FIGN: variants seen among roughly 807,000 people sequenced by gnomAD.
FIGN encodes fidgetin, microtubule severing factor.
FIGN carries 11 observed loss-of-function variants against 51.3 expected under a neutral mutation model. That is an observed-to-expected ratio of 0.21 (90% confidence interval 0.13 to 0.35). The LOEUF is 0.35. Ranked by LOEUF, FIGN falls within the 10% of genes least tolerant of loss-of-function variation. The pLI is 1.00. For missense variants in FIGN, 857 were observed against 943.6 expected (o/e 0.91, Z 1.20); for synonymous variants, 407 against 363.2 (o/e 1.12, Z -1.37).
intron 2 of FIGN, among the ~76,000 whole-genome samples, chr2:163,659,361 C>A (rs963566477): frequency 6.6e-6 from 1 of 152,138 alleles, no homozygotes; most frequent in Non-Finnish European, 1.5e-5. Flanking sequence ...AACTGCCAAC[C>A]TAAACTACTA....
Position 163,610,794 on chromosome 2 carries a change from A to G in FIGN, c.1038T>C (p.Ser346=). ...TGTTGTCGGGCATTCTGTACATAGGACTCTGTGTAGATCTCTGTTGGCCAT... is the reference window on the plus strand; with the variant it reads ...TGTTGTCGGGCATTCTGTACATAGGGCTCTGTGTAGATCTCTGTTGGCCAT... ...YSYGQQRSTQ[S]PMYRMPDNSI... Residue 346 remains serine (S), a synonymous_variant, in exon 3 of 3, where the codon AGT becomes AGC. Coordinates refer to ENST00000333129, the MANE Select transcript of FIGN (RefSeq NM_018086.4). 1.9e-6 allele frequency: 3 copies of G among 1,613,942 alleles called. No individual in the cohort carries two copies. The highest frequency in any genetic ancestry group is 2.5e-6 in the Non-Finnish European group (3 of 1,179,976).
In FIGN at chr2:163,611,519, C is replaced by G. The variant is rs367851778; in HGVS notation, c.313G>C (p.Glu105Gln). 1.6e-5 allele frequency: 26 copies of G among 1,614,096 alleles called. No homozygotes were observed. Among genetic ancestry groups the G allele is most frequent in the Non-Finnish European group, 1.9e-5 (23 of 1,180,042 alleles). Residue 105 changes from glutamate (E) to glutamine (Q), a missense_variant, in exon 3 of 3, where the codon GAA becomes CAA. Physicochemically the swap from Glu to Gln is conservative, Grantham distance 29. Transcript: ENST00000333129. ...PSGLVNGRKN[E>Q]SEPWQPSLNS... The stretch of plus-strand genomic sequence containing the variant: ...AAGGAAGGCTGCCAGGGTTCACTTT[C>G]ATTTTTCCGACCGTTCACTAGTCCT...
At chr2:163,732,834 T>C (rs1684952518) in intron 2 of FIGN, among the ~76,000 whole-genome samples, 1 of 152,228 alleles carries the variant, frequency 6.6e-6, no homozygotes, top group Non-Finnish European at 1.5e-5. Flanking sequence ...CAGTCCCTGA[T>C]AGATGTTTCT....
intron 2 of FIGN, among the ~76,000 whole-genome samples, chr2:163,727,110 G>A (rs1209627823): frequency 6.6e-6 from 1 of 151,842 alleles, no homozygotes; most frequent in African/African-American, 2.4e-5. Flanking sequence ...AATTGAAAGG[G>A]AAAAGAAATG....
chr2:163,734,775 T>C, intron 2 of FIGN, 128 bp downstream of exon 2: 3 of 785,782 alleles, frequency 3.8e-6, no homozygotes, highest in Non-Finnish European at 5.9e-6. Context: ...TAAACATATA[T>C]TTTTTAAAAA....
chr2:163,734,640 A>G (rs181701639), intron 2 of FIGN, among the ~76,000 whole-genome samples: 103 of 151,180 alleles, frequency 6.8e-4, no homozygotes, highest in African/African-American at 2.4e-3. Context: ...TATATAGTGC[A>G]TTACTAGTAA....
chr2:163,681,638 T>G (rs1337745877), intron 2 of FIGN, among the ~76,000 whole-genome samples: 1 of 152,170 alleles, frequency 6.6e-6, no homozygotes, highest in Non-Finnish European at 1.5e-5. Context: ...TGAAGCACGA[T>G]GAAGGGCAAA....
chr2:163,624,576 C>A (rs1005935058), intron 2 of FIGN, among the ~76,000 whole-genome samples: 7 of 151,822 alleles, frequency 4.6e-5, no homozygotes, highest in African/African-American at 1.7e-4. Flanking sequence ...TTGGACAATT[C>A]TCTCTTCATT....
intron 2 of FIGN, among the ~76,000 whole-genome samples, chr2:163,642,122 T>G (rs1313913411): frequency 6.6e-6 from 1 of 152,188 alleles, no homozygotes; most frequent in Non-Finnish European, 1.5e-5. Flanking sequence ...CAAACTTAGG[T>G]CACTTGGGAA....
chr2:163,646,417 G>T (rs1261369113), intron 2 of FIGN, among the ~76,000 whole-genome samples: 1 of 152,152 alleles, frequency 6.6e-6, no homozygotes, highest in Non-Finnish European at 1.5e-5. Flanking sequence ...TGCTGGGGTA[G>T]TAGGTTAAAA....
At chr2:163,642,299 A>G (rs1683317474) in intron 2 of FIGN, among the ~76,000 whole-genome samples, 2 of 152,224 alleles carry the variant, frequency 1.3e-5, no homozygotes, top group South Asian at 2.1e-4. Context: ...CTGCTTCCCA[A>G]AAGCTTTCAG....
At chr2:163,624,708 A>ATATATATATTTT (rs564288395) in intron 2 of FIGN, among the ~76,000 whole-genome samples, 5 of 145,494 alleles carry the variant, frequency 3.4e-5, no homozygotes, top group African/African-American at 1.0e-4. Flanking sequence ...ATATATATAT[A>ATATATATATTTT]TTTTTTTTTT....
intron 2 of FIGN, among the ~76,000 whole-genome samples, chr2:163,639,167 T>C (rs1337916978): frequency 3.5e-4 from 53 of 152,172 alleles, no homozygotes; most frequent in Non-Finnish European, 1.0e-4. Context: ...AAAGTTATTA[T>C]AGTGACTACT....
chr2:163,656,330 T>C lies in FIGN; in HGVS notation c.26-44524A>G, dbSNP rs187753662. On this transcript the variant is annotated intron_variant, in intron 2 of 2. Transcript: ENST00000333129. Reference sequence around the variant, plus strand: ...GAGCTTTAAGGGAGGCATTGTGACATGTCACTCTAAATTGAGTGAGATTAG... The same window carrying C: ...GAGCTTTAAGGGAGGCATTGTGACACGTCACTCTAAATTGAGTGAGATTAG... 4.2e-3 allele frequency among the ~76,000 whole-genome samples: 639 copies of C among 152,274 alleles called. 11 individuals are homozygous for C. The highest frequency in any genetic ancestry group is 0.024 in the Middle Eastern group (7 of 294).
rs534899327 is a variant in FIGN at position 163,673,057 on chromosome 2, T to C, written c.26-61251A>G. ...TGATCAGAAAATGTAAGTATGTGTGTGAGGATAGGAACTGAGCAGCTTACG... is the reference window on the plus strand; with the variant it reads ...TGATCAGAAAATGTAAGTATGTGTGCGAGGATAGGAACTGAGCAGCTTACG... On this transcript the variant is annotated intron_variant, in intron 2 of 2. Coordinates refer to ENST00000333129, the MANE Select transcript of FIGN (RefSeq NM_018086.4). Among the ~76,000 whole-genome samples the C allele has an allele frequency of 3.3e-5, 5 of 152,182 alleles. No homozygotes were observed. In the East Asian group the frequency reaches 9.7e-4, roughly 29 times the overall value.
At chr2:163,626,085 T>G (rs1206575606) in intron 2 of FIGN, among the ~76,000 whole-genome samples, 1 of 152,174 alleles carries the variant, frequency 6.6e-6, no homozygotes, top group Non-Finnish European at 1.5e-5. Flanking sequence ...ATAACTGTTT[T>G]CAGCTTTCTG....
chr2:163,663,655 G>A (rs1683726782), intron 2 of FIGN, among the ~76,000 whole-genome samples: 1 of 151,704 alleles, frequency 6.6e-6, no homozygotes, highest in Non-Finnish European at 1.5e-5. Flanking sequence ...GGCTGAGGTG[G>A]GCAGATCACC....
intron 2 of FIGN, among the ~76,000 whole-genome samples, chr2:163,625,278 G>A (rs186319802): frequency 1.3e-5 from 2 of 151,772 alleles, no homozygotes; most frequent in Admixed American, 6.6e-5. Flanking sequence ...GAGGAAAAAT[G>A]GCATTTCTAT....
chr2:163,708,708 C>T (rs1328635147), intron 2 of FIGN, among the ~76,000 whole-genome samples: 5 of 152,006 alleles, frequency 3.3e-5, no homozygotes, highest in African/African-American at 1.2e-4. Context: ...TTAGGAGAAT[C>T]CTGCTAGATG....
Sources: gnomAD v4.1 joint callset for allele counts (sites outside exome capture counted in the v4.1 genomes callset) on GRCh38, gnomAD v4.1.1 for gene constraint, MANE v1.5 for transcripts, NCBI Gene and HGNC (gene_info 2026-07-23, HGNC 2026-07-21) for gene names.